NCK2: variants seen among roughly 807,000 people sequenced by gnomAD.
NCK2 encodes the protein NCK adaptor protein 2, also known as cytoplasmic protein NCK2.
In NCK2, 16 loss-of-function variants were observed where a neutral mutation model predicts 33.9. That is an observed-to-expected ratio of 0.47 (90% confidence interval 0.32 to 0.72). The LOEUF is 0.72. Among genes scored for constraint, NCK2 ranks in the 30% least tolerant of loss-of-function variants. NCK2 has a pLI of 0.03. For synonymous variants in NCK2, 273 were observed against 239.9 expected (o/e 1.14, Z -1.27); for missense variants, 418 against 537.3 (o/e 0.78, Z 2.19).
chr2:105,776,277 G>C (rs1245384822), intron 1 of NCK2, among the ~76,000 whole-genome samples: 2 of 152,262 alleles, frequency 1.3e-5, no homozygotes, highest in Non-Finnish European at 2.9e-5. Flanking sequence ...GTAACACTCA[G>C]TTTCTTACCT....
At chr2:105,851,288 G>C (rs1359052275) in intron 2 of NCK2, among the ~76,000 whole-genome samples, 4 of 150,864 alleles carry the variant, frequency 2.7e-5, no homozygotes, top group Non-Finnish European at 5.9e-5. Flanking sequence ...TTCTGAGACG[G>C]AGTCTCGCTC....
intron 3 of NCK2, among the ~76,000 whole-genome samples, chr2:105,876,216 C>T (rs186298695): frequency 1.4e-4 from 21 of 152,312 alleles, no homozygotes; most frequent in African/African-American, 4.1e-4. Flanking sequence ...AAATTCTGTG[C>T]AGTAGGATTT....
intron 3 of NCK2, chr2:105,857,047 T>TTTTTTTA (rs1553460690): frequency 3.1e-5 from 4 of 130,790 alleles, no homozygotes; most frequent in African/African-American, 5.7e-5. Context: ...TTTTTTTTTT[T>TTTTTTTA]TTGTATTTAC....
chr2:105,837,516 A>T (rs1469625701), intron 2 of NCK2, among the ~76,000 whole-genome samples: 1 of 152,068 alleles, frequency 6.6e-6, no homozygotes, highest in Non-Finnish European at 1.5e-5. Flanking sequence ...TCTTCCCTCC[A>T]TCAGGGTTAT....
chr2:105,891,582 C>G lies in NCK2; in HGVS notation c.949-1400C>G, dbSNP rs1184654976. 2.6e-5 allele frequency among the ~76,000 whole-genome samples: 2 copies of G among 78,098 alleles called. 1 individual carries two copies. Among genetic ancestry groups the G allele is most frequent in the African/African-American group, 9.8e-5 (2 of 20,328 alleles). 51.2% of individuals were successfully genotyped at this position (78,098 alleles called of 152,430 possible). On this transcript the variant is annotated intron_variant, in intron 4 of 4. Transcript: ENST00000233154. ...TTTTTTTTTTTTGAGATTTTTCGCT[C>G]TTGTTGCCCAGACCAGAGTGCAGTG...
intron 1 of NCK2, among the ~76,000 whole-genome samples, chr2:105,807,636 C>G (rs762403632): frequency 6.6e-6 from 1 of 151,910 alleles, no homozygotes; most frequent in Non-Finnish European, 1.5e-5. Flanking sequence ...TGAGCCCCTG[C>G]GGAGGCTGAT....
Position 105,798,303 on chromosome 2 carries a change from G to T in NCK2, c.-200-18127G>T, listed in dbSNP as rs527527719. Among the ~76,000 whole-genome samples the T allele has an allele frequency of 2.6e-5, 4 of 152,298 alleles. No homozygotes were observed. In the East Asian group the frequency reaches 7.7e-4, roughly 29 times the overall value. The stretch of plus-strand genomic sequence containing the variant: ...CCCTCCTATCCTGGGAGCCCGGATA[G>T]CCTCACTGTGGCCTCTTGTTTGTAC... On this transcript the variant is annotated intron_variant, in intron 1 of 4. Transcript: ENST00000233154.
chr2:105,856,909 T>G (rs952910001), intron 3 of NCK2: 1 of 152,238 alleles, frequency 6.6e-6, no homozygotes, highest in Non-Finnish European at 1.5e-5. Flanking sequence ...GAGGGTAGCA[T>G]GAATAGAGAA....
chr2:105,830,845 A>T (rs1645581008), intron 2 of NCK2, among the ~76,000 whole-genome samples: 1 of 152,050 alleles, frequency 6.6e-6, no homozygotes, highest in Admixed American at 6.6e-5. Flanking sequence ...TCTTCTTTTG[A>T]GAAATGTTTA....
At chr2:105,756,377 T>C (rs755399506) in intron 1 of NCK2, among the ~76,000 whole-genome samples, 2 of 152,238 alleles carry the variant, frequency 1.3e-5, no homozygotes, top group Non-Finnish European at 2.9e-5. Flanking sequence ...TCATATGGAC[T>C]GAGAAAGACC....
At chr2:105,848,399 A>G (rs1424074703) in intron 2 of NCK2, 1 of 152,168 alleles carries the variant, frequency 6.6e-6, no homozygotes, top group Non-Finnish European at 1.5e-5. Context: ...GTCGGAAGAG[A>G]GTTTACCGGC....
chr2:105,893,511 A>C lies in NCK2; in HGVS notation c.*335A>C. The C allele has an allele frequency of 3.8e-6, 1 of 265,582 alleles. No individual in the cohort carries two copies. Among genetic ancestry groups the C allele is most frequent in the East Asian group, 7.6e-5 (1 of 13,242 alleles). 16.5% of individuals were successfully genotyped at this position (265,582 alleles called of 1,614,324 possible). A position where few individuals can be genotyped will look rare whatever the true frequency, so the allele number is the denominator to read the frequency against. On this transcript the variant is annotated 3_prime_UTR_variant, in exon 5 of 5. Coordinates refer to ENST00000233154, the MANE Select transcript of NCK2 (RefSeq NM_003581.5). ...CAGGGCACCTGTGAGCGCAGGAGCG[A>C]GCCTAAGGCCACCCAGCGGCAGCGC...
At chr2:105,829,028 A>T (rs1252177372) in intron 2 of NCK2, among the ~76,000 whole-genome samples, 1 of 152,182 alleles carries the variant, frequency 6.6e-6, no homozygotes, top group Non-Finnish European at 1.5e-5. Context: ...TGCCAGGCCT[A>T]GGGGCATAGC....
chr2:105,762,524 A>C (rs968432293), intron 1 of NCK2, among the ~76,000 whole-genome samples: 1 of 152,196 alleles, frequency 6.6e-6, no homozygotes, highest in Non-Finnish European at 1.5e-5. Flanking sequence ...GGTGTCCTGA[A>C]CCATGGGCCT....
At chr2:105,826,750 T>C (rs1044160979) in intron 2 of NCK2, among the ~76,000 whole-genome samples, 2 of 152,146 alleles carry the variant, frequency 1.3e-5, no homozygotes, top group Non-Finnish European at 2.9e-5. Flanking sequence ...TCTGAGCAGC[T>C]TCCCTAGCTC....
In NCK2 at chr2:105,893,337, A is replaced by G. The variant is rs993195458; in HGVS notation, c.*161A>G. 2.7e-5 allele frequency: 19 copies of G among 697,900 alleles called. No individual in the cohort carries two copies. The highest frequency in any genetic ancestry group is 4.2e-5 in the Non-Finnish European group (18 of 431,778). The allele number at this position is 697,900 out of a possible 1,614,324, so 43.2% of individuals were successfully genotyped here. A position where few individuals can be genotyped will look rare whatever the true frequency, so the allele number is the denominator to read the frequency against. ...TCGGTTCGTCTCCCATTTGCCATCC[A>G]GGCCTCACACCCACACTCGAGCCCA... On this transcript the variant is annotated 3_prime_UTR_variant, in exon 5 of 5. Transcript: ENST00000233154.
At chr2:105,873,521 C>G (rs1396814985) in intron 3 of NCK2, among the ~76,000 whole-genome samples, 3 of 152,168 alleles carry the variant, frequency 2.0e-5, no homozygotes, top group Non-Finnish European at 4.4e-5. Flanking sequence ...CACCCTCACT[C>G]CCACACCCAA....
At chr2:105,806,439 G>A (rs987183317) in intron 1 of NCK2, among the ~76,000 whole-genome samples, 2 of 151,926 alleles carry the variant, frequency 1.3e-5, no homozygotes, top group African/African-American at 2.4e-5. Context: ...GGGTTTCACC[G>A]TGTTACCCAG....
rs1225887570 is a variant in NCK2 at position 105,893,173 on chromosome 2, G to A, written c.1140G>A (p.Gln380=). The A allele has an allele frequency of 1.9e-6, 3 of 1,590,294 alleles. No homozygotes were observed. Among genetic ancestry groups the A allele is most frequent in the Admixed American group, 3.5e-5 (2 of 56,950 alleles). Residue 380 remains glutamine (Q), a synonymous_variant, in exon 5 of 5, where the codon CAG becomes CAA. Coordinates refer to ENST00000233154, the MANE Select transcript of NCK2 (RefSeq NM_003581.5). ...GEKLYLVRAL[Q] is the part of the protein sequence containing the mutation. ...AGCTCTACCTCGTCAGGGCCCTGCAGTGACGGCGCCCCGGCCCCACACTCG... is the reference window on the plus strand; with the variant it reads ...AGCTCTACCTCGTCAGGGCCCTGCAATGACGGCGCCCCGGCCCCACACTCG...
Sources: gnomAD v4.1 joint callset for allele counts (sites outside exome capture counted in the v4.1 genomes callset) on GRCh38, gnomAD v4.1.1 for gene constraint, MANE v1.5 for transcripts, NCBI Gene and HGNC (gene_info 2026-07-23, HGNC 2026-07-21) for gene names.